RNF128: variants seen among roughly 807,000 people sequenced by gnomAD.
RNF128 encodes ring finger protein 128.
In RNF128, 13 loss-of-function variants were observed where a neutral mutation model predicts 26.2. The ratio of observed to expected loss-of-function variants is 0.50; its 90% CI spans 0.32 to 0.79. The LOEUF is 0.79. RNF128 is among the 30% of genes least tolerant of loss of function. The pLI, the probability that RNF128 is intolerant of heterozygous loss-of-function variation, is 0.03. For synonymous variants in RNF128, 149 were observed against 142.5 expected, an observed-to-expected ratio of 1.05 and a Z score of -0.32; for missense variants, 315 against 349.7, an observed-to-expected ratio of 0.90 and a Z score of 0.79.
chrX:106,762,828 A>C (rs1487965768), intron 1 of RNF128, among the ~76,000 whole-genome samples: 1 of 110,303 alleles, frequency 9.1e-6, no homozygotes, highest in Non-Finnish European at 1.9e-5. Context: ...CTTTGAGTAC[A>C]CATGGACACA....
chrX:106,707,005 G>T (rs1285699828), intron 1 of RNF128, among the ~76,000 whole-genome samples: 4 of 111,637 alleles, frequency 3.6e-5, no homozygotes, highest in Non-Finnish European at 7.5e-5. Flanking sequence ...AGTTTATCCT[G>T]ATATTTCCTT....
chrX:106,724,223 G>T (rs187972884), upstream of RNF128, among the ~76,000 whole-genome samples: 3 of 110,931 alleles, frequency 2.7e-5, no homozygotes, highest in African/African-American at 9.8e-5. Context: ...AAGTCCTGTT[G>T]ATTCTACCAC....
chrX:106,727,163 C>G lies in RNF128; in HGVS notation c.250C>G (p.Leu84Val). 1.7e-6 allele frequency: 2 copies of G among 1,210,270 alleles called. No homozygotes were observed. Among genetic ancestry groups the G allele is most frequent in the East Asian group, 3.0e-5 (1 of 33,780 alleles). Residue 84 changes from leucine (L) to valine (V), a missense_variant, in exon 1 of 7, where the codon CTG becomes GTG. Leu to Val is a conservative substitution (Grantham distance 32, BLOSUM62 1). Coordinates refer to ENST00000255499, the MANE Select transcript of RNF128 (RefSeq NM_194463.2). ...DSPLEPVAGV[L>V]VPPDGPGALN... ...GCCGCTGGAGCCTGTGGCTGGGGTC[C>G]TGGTACCGCCCGACGGGCCCGGGGC...
At chrX:106,783,653 A>G (rs1930603197) in intron 2 of RNF128, among the ~76,000 whole-genome samples, 1 of 111,348 alleles carries the variant, frequency 9.0e-6, no homozygotes, top group Non-Finnish European at 1.9e-5. Context: ...CCACACATGT[A>G]TTAGTCGGGT....
intron 1 of RNF128, among the ~76,000 whole-genome samples, chrX:106,712,612 C>T (rs767479007): frequency 1.2e-4 from 13 of 111,320 alleles, no homozygotes; most frequent in Non-Finnish European, 2.1e-4. Context: ...GCCTACACAT[C>T]TAAAATGTTA....
At chrX:106,740,030 A>G (rs779313532) in intron 1 of RNF128, among the ~76,000 whole-genome samples, 99 of 111,770 alleles carry the variant, frequency 8.9e-4, no homozygotes, top group African/African-American at 3.2e-3. Context: ...CAATCCCCAT[A>G]TTAAAAACTA....
At chrX:106,764,867 CTGAG>C (rs1930188495) in intron 1 of RNF128, among the ~76,000 whole-genome samples, 1 of 111,608 alleles carries the variant, frequency 9.0e-6, no homozygotes, top group South Asian at 3.7e-4. Context: ...ATACATTTTC[CTGAG>C]AGATGGCTCT....
intron 1 of RNF128, among the ~76,000 whole-genome samples, chrX:106,761,638 C>CA (rs1396709426): frequency 1.8e-5 from 2 of 111,105 alleles, no homozygotes; most frequent in African/African-American, 3.3e-5. Context: ...CATGAGTACT[C>CA]AGATACAGCC....
At chrX:106,729,926 G>A (rs934438108) in intron 1 of RNF128, among the ~76,000 whole-genome samples, 2 of 112,118 alleles carry the variant, frequency 1.8e-5, no homozygotes, top group African/African-American at 6.5e-5. Flanking sequence ...GTGGCAGAGA[G>A]ATAGGACTGA....
At chrX:106,702,048 A>G (rs1928966478) in intron 1 of RNF128, among the ~76,000 whole-genome samples, 1 of 110,734 alleles carries the variant, frequency 9.0e-6, no homozygotes, top group Non-Finnish European at 1.9e-5. Context: ...ACTTACAATA[A>G]CAAATTATTT....
Position 106,787,928 on chromosome X carries a change from C to G in RNF128, c.815C>G (p.Pro272Arg). 2 of 1,189,300 alleles carry G rather than the reference C, an allele frequency of 1.7e-6. No individual in the cohort carries two copies. Among genetic ancestry groups the G allele is most frequent in the Non-Finnish European group, 1.1e-6 (1 of 883,510 alleles). The change falls in exon 4 of 7, where the codon CCT becomes CGT. Residue 272 changes from proline to arginine, a missense_variant. Pro to Arg is a moderately radical substitution (Grantham distance 103). Transcript: ENST00000255499. ...TLKQGDKEIG[P>R]DGDSCAVCIE... ...ACTACTTGCTTGTAGGAAATTGGCC[C>G]TGATGGAGATAGTTGTGCTGTGTGC...
At chrX:106,743,487 A>G (rs1038361382) in intron 1 of RNF128, among the ~76,000 whole-genome samples, 2 of 112,163 alleles carry the variant, frequency 1.8e-5, no homozygotes, top group East Asian at 5.6e-4. Flanking sequence ...GCAAAACCCC[A>G]TATAAATAAA....
Position 106,773,034 on chromosome X carries a change from G to A in RNF128, c.606G>A (p.Trp202Ter). Residue 202 changes from tryptophan to a stop codon, truncating the protein, a stop_gained, in exon 2 of 7, where the codon TGG (tryptophan) becomes TGA (stop). Transcript: ENST00000255499. LOFTEE classifies it high-confidence loss of function. ...AAGTAGGGAAAAAACATGGCCCTTG[G>A]GTGAATCACTATTCAATTTTTTTCG... ...VIEVGKKHGP[W>*]VNHYSIFFVS... 2 of 1,210,868 alleles carry A rather than the reference G, an allele frequency of 1.7e-6. No individual in the cohort carries two copies. Among genetic ancestry groups the A allele is most frequent in the Non-Finnish European group, 2.2e-6 (2 of 895,199 alleles).
chrX:106,751,483 G>A (rs1315476420), intron 1 of RNF128, among the ~76,000 whole-genome samples: 1 of 110,802 alleles, frequency 9.0e-6, no homozygotes, highest in African/African-American at 3.3e-5. Context: ...ACGAAAGGCA[G>A]TCTAGACCAA....
intron 2 of RNF128, among the ~76,000 whole-genome samples, chrX:106,778,048 T>C (rs1338701175): frequency 1.8e-5 from 2 of 111,809 alleles, no homozygotes; most frequent in African/African-American, 3.3e-5. Flanking sequence ...ACAAACACAG[T>C]ATATAATTTA....
intron 1 of RNF128, among the ~76,000 whole-genome samples, chrX:106,697,721 G>C (rs185412897): frequency 9.0e-6 from 1 of 111,130 alleles, no homozygotes; most frequent in East Asian, 2.8e-4. Context: ...CCTACTAAGA[G>C]TGTTATTTTT....
chrX:106,718,421 C>T (rs1929254181), intron 1 of RNF128, among the ~76,000 whole-genome samples: 1 of 111,468 alleles, frequency 9.0e-6, no homozygotes, highest in Non-Finnish European at 1.9e-5. Context: ...TCAACAGTCA[C>T]AGATTTCTGT....
At chrX:106,761,327 G>A (rs1030176880) in intron 1 of RNF128, among the ~76,000 whole-genome samples, 29 of 111,966 alleles carry the variant, frequency 2.6e-4, no homozygotes, top group African/African-American at 9.4e-4. Context: ...TACACTGCTC[G>A]TGGGAATGTA....
intron 6 of RNF128, among the ~76,000 whole-genome samples, chrX:106,793,435 C>T (rs183367032): frequency 2.2e-4 from 24 of 111,410 alleles, no homozygotes; most frequent in Admixed American, 1.9e-3. Flanking sequence ...AAAGAATGCC[C>T]ATATACCATT....
Sources: gnomAD v4.1 joint callset for allele counts (sites outside exome capture counted in the v4.1 genomes callset) on GRCh38, gnomAD v4.1.1 for gene constraint, MANE v1.5 for transcripts, NCBI Gene and HGNC (gene_info 2026-07-23, HGNC 2026-07-21) for gene names.